MDGA2: variants seen among roughly 807,000 people sequenced by gnomAD.
MDGA2 encodes the protein MAM domain-containing glycosylphosphatidylinositol anchor protein 2.
In MDGA2, 40 loss-of-function variants were observed where a neutral mutation model predicts 117.8. The ratio of observed to expected loss-of-function variants is 0.34; its 90% confidence interval spans 0.26 to 0.44. The LOEUF (loss-of-function observed/expected upper bound fraction) is 0.44, where lower values mean the gene tolerates loss of function less well. Ranked by LOEUF, MDGA2 falls within the 20% of genes least tolerant of loss-of-function variation. MDGA2 has a pLI of 1.00. For synonymous variants in MDGA2, 452 were observed against 439.0 expected (o/e 1.03, Z -0.37); for missense variants, 1,123 against 1,250.6 (o/e 0.90, Z 1.54).
chr14:47,096,438 T>C (rs1879972712), intron 6 of MDGA2, among the ~76,000 whole-genome samples: 1 of 152,002 alleles, frequency 6.6e-6, no homozygotes, highest in African/African-American at 2.4e-5. Flanking sequence ...AACCTCACAA[T>C]TTAAAGCCAT....
intron 2 of MDGA2, among the ~76,000 whole-genome samples, chr14:47,274,352 ACTTT>A (rs1366280112): frequency 6.6e-6 from 1 of 151,850 alleles, no homozygotes; most frequent in African/African-American, 2.4e-5. Flanking sequence ...TTTTATGACT[ACTTT>A]CTTTATTAGG....
intron 1 of MDGA2, among the ~76,000 whole-genome samples, chr14:47,396,599 G>A (rs942307603): frequency 1.3e-5 from 2 of 151,778 alleles, no homozygotes; most frequent in Non-Finnish European, 2.9e-5. Context: ...TCTGACAAAG[G>A]GTTAATATCC....
chr14:47,585,837 C>T (rs575867689), intron 1 of MDGA2, among the ~76,000 whole-genome samples: 10 of 151,892 alleles, frequency 6.6e-5, no homozygotes, highest in Middle Eastern at 3.4e-3. Context: ...TTCCTCAGTC[C>T]GGGAGCTCTC....
chr14:47,567,580 T>C (rs1377412341), intron 1 of MDGA2, among the ~76,000 whole-genome samples: 1 of 152,128 alleles, frequency 6.6e-6, no homozygotes, highest in Non-Finnish European at 1.5e-5. Context: ...TCTTCCATTA[T>C]GAGATCCAGT....
At chr14:47,284,749 G>C (rs1182801730) in intron 2 of MDGA2, among the ~76,000 whole-genome samples, 4 of 151,792 alleles carry the variant, frequency 2.6e-5, no homozygotes, top group African/African-American at 9.7e-5. Context: ...AACCTGGAGT[G>C]GCCTTATTTT....
chr14:47,538,270 T>C (rs1239921969), intron 1 of MDGA2, among the ~76,000 whole-genome samples: 1 of 152,210 alleles, frequency 6.6e-6, no homozygotes, highest in Non-Finnish European at 1.5e-5. Flanking sequence ...TATTAAAGTA[T>C]GACTAAATAA....
chr14:46,888,649 T>G (rs1882760656), intron 10 of MDGA2, among the ~76,000 whole-genome samples: 2 of 151,668 alleles, frequency 1.3e-5, no homozygotes, highest in South Asian at 4.1e-4. Flanking sequence ...TTGACTAACT[T>G]AAAAGCAGAA....
intron 3 of MDGA2, among the ~76,000 whole-genome samples, chr14:47,170,561 T>G (rs527559232): frequency 6.6e-6 from 1 of 152,270 alleles, no homozygotes; most frequent in African/African-American, 2.4e-5. Context: ...GATTAGTCTA[T>G]TGAACCTCAA....
intron 1 of MDGA2, among the ~76,000 whole-genome samples, chr14:47,539,276 C>T (rs1344422247): frequency 6.6e-6 from 1 of 152,210 alleles, no homozygotes; most frequent in Non-Finnish European, 1.5e-5. Flanking sequence ...CGGATGTTCC[C>T]ATGCAGGCAT....
At chr14:47,092,320 T>C (rs562650840) in intron 6 of MDGA2, among the ~76,000 whole-genome samples, 6 of 152,276 alleles carry the variant, frequency 3.9e-5, no homozygotes, top group South Asian at 4.1e-4. Flanking sequence ...AACTAGATGA[T>C]AGAATTTTCC....
chr14:46,887,974 C>T (rs1882734979), intron 10 of MDGA2, among the ~76,000 whole-genome samples: 1 of 151,852 alleles, frequency 6.6e-6, no homozygotes, highest in Non-Finnish European at 1.5e-5. Flanking sequence ...TAGTACATTA[C>T]AAAGGGACAC....
chr14:47,040,785 C>T (rs529717162), intron 7 of MDGA2, among the ~76,000 whole-genome samples: 1 of 152,156 alleles, frequency 6.6e-6, no homozygotes, highest in Non-Finnish European at 1.5e-5. Context: ...ACCCATTTAA[C>T]CTGTCCTTGT....
intron 1 of MDGA2, among the ~76,000 whole-genome samples, chr14:47,578,262 G>A (rs2138834947): frequency 6.6e-6 from 1 of 152,058 alleles, no homozygotes; most frequent in African/African-American, 2.4e-5. Context: ...AGGGGGTGGG[G>A]GTGAGGGGAA....
chr14:46,973,288 C>A (rs564023470), intron 8 of MDGA2, among the ~76,000 whole-genome samples: 1 of 152,184 alleles, frequency 6.6e-6, no homozygotes, highest in East Asian at 1.9e-4. Context: ...GAGTTGAAAA[C>A]TTATGTTTAC....
intron 8 of MDGA2, among the ~76,000 whole-genome samples, chr14:46,992,652 A>G (rs534675810): frequency 2.6e-5 from 4 of 152,278 alleles, no homozygotes; most frequent in Admixed American, 2.6e-4. Flanking sequence ...ATTTGTTGGT[A>G]CTACTTCATA....
At chr14:47,451,187 A>G (rs1281341749) in intron 1 of MDGA2, among the ~76,000 whole-genome samples, 1 of 152,134 alleles carries the variant, frequency 6.6e-6, no homozygotes, top group African/African-American at 2.4e-5. Flanking sequence ...CTTAGGAAGT[A>G]GCTGGAGGTC....
intron 5 of MDGA2, among the ~76,000 whole-genome samples, chr14:47,120,064 A>G (rs1881567862): frequency 6.6e-6 from 1 of 152,188 alleles, no homozygotes; most frequent in Non-Finnish European, 1.5e-5. Context: ...AAGACACTAC[A>G]CTACCCAGTG....
At chr14:47,274,376 C>T (rs1043335313) in intron 2 of MDGA2, among the ~76,000 whole-genome samples, 21 of 151,888 alleles carry the variant, frequency 1.4e-4, no homozygotes, top group Admixed American at 1.1e-3. Flanking sequence ...GATAATGTTT[C>T]CAAGGTTCTT....
chr14:47,591,867 C>T (rs71418158), intron 1 of MDGA2, among the ~76,000 whole-genome samples: 115 of 151,952 alleles, frequency 7.6e-4, no homozygotes, highest in African/African-American at 2.7e-3. Context: ...TTTTGAAAAC[C>T]GGCACAAGAC....
Sources: allele counts gnomAD v4.1 joint callset (sites outside exome capture counted in the v4.1 genomes callset), GRCh38; gene constraint gnomAD v4.1.1; transcripts MANE v1.5; gene names NCBI Gene and HGNC (gene_info 2026-07-23, HGNC 2026-07-21).